The following MARCHF11 variants were observed in gnomAD, a reference collection of about 807,000 sequenced individuals.
MARCHF11 encodes membrane associated ring-CH-type finger 11.
Under a neutral mutation model 37.3 loss-of-function variants are expected in MARCHF11, and 29 were observed. That is an observed-to-expected ratio of 0.78 (90% CI 0.58 to 1.06). The LOEUF is 1.06. MARCHF11 is among the 50% of genes least tolerant of loss of function. The pLI is 0.00. For missense variants in MARCHF11, 482 were observed against 533.4 expected, an observed-to-expected ratio of 0.90 and a Z score of 0.95; for synonymous variants, 233 against 228.0, an observed-to-expected ratio of 1.02 and a Z score of -0.20.
chr5:16,134,780 C>G (rs185028329), intron 2 of MARCHF11, among the ~76,000 whole-genome samples: 1 of 151,798 alleles, frequency 6.6e-6, no homozygotes, highest in African/African-American at 2.4e-5. Context: ...AGTTATGCAG[C>G]CATTACAAAA....
At chr5:16,176,439 G>A (rs1490722426) in intron 2 of MARCHF11, among the ~76,000 whole-genome samples, 3 of 152,172 alleles carry the variant, frequency 2.0e-5, no homozygotes, top group Non-Finnish European at 2.9e-5. Flanking sequence ...TGATACCCAA[G>A]TAGTTCAATC....
chr5:16,132,266 G>A (rs1049949321), intron 2 of MARCHF11, among the ~76,000 whole-genome samples: 4 of 152,230 alleles, frequency 2.6e-5, no homozygotes, highest in African/African-American at 9.6e-5. Flanking sequence ...GAAGGGACAC[G>A]GTGTGATGAG....
At chr5:16,143,902 T>C (rs1213145779) in intron 2 of MARCHF11, among the ~76,000 whole-genome samples, 1 of 152,196 alleles carries the variant, frequency 6.6e-6, no homozygotes, top group Non-Finnish European at 1.5e-5. Context: ...AAGTGGATTA[T>C]GCTTAAGAGT....
chr5:16,111,299 G>T (rs1211352866), intron 2 of MARCHF11, among the ~76,000 whole-genome samples: 1 of 152,212 alleles, frequency 6.6e-6, no homozygotes, highest in African/African-American at 2.4e-5. Flanking sequence ...ACTTCCTAGA[G>T]ACTTGTTGAA....
At chr5:16,140,872 T>C (rs1737691332) in intron 2 of MARCHF11, 1 of 152,224 alleles carries the variant, frequency 6.6e-6, no homozygotes, top group African/African-American at 2.4e-5. Context: ...TCTTGATTTT[T>C]CAGAATTCTT....
chr5:16,162,475 A>C (rs1213870835), intron 2 of MARCHF11, among the ~76,000 whole-genome samples: 1 of 152,042 alleles, frequency 6.6e-6, no homozygotes, highest in Non-Finnish European at 1.5e-5. Context: ...TATTTTTTAA[A>C]ATCTGTCAAT....
chr5:16,068,977 T>C (rs1736393381), intron 3 of MARCHF11, among the ~76,000 whole-genome samples: 1 of 152,230 alleles, frequency 6.6e-6, no homozygotes, highest in East Asian at 1.9e-4. Context: ...GTTAGACCTT[T>C]GGGTATATGC....
intron 2 of MARCHF11, among the ~76,000 whole-genome samples, chr5:16,125,633 G>C (rs868615823): frequency 0.16 from 19,366 of 124,314 alleles, 1,421 homozygotes; most frequent in East Asian, 0.26. Context: ...GTGTGTGTGT[G>C]TGTGTGTGTG....
chr5:16,172,371 T>C (rs919306338), intron 2 of MARCHF11, among the ~76,000 whole-genome samples: 2 of 152,208 alleles, frequency 1.3e-5, no homozygotes, highest in African/African-American at 4.8e-5. Context: ...CTACAAAATA[T>C]GCCAGGATAG....
chr5:16,080,706 T>C (rs989647806), intron 3 of MARCHF11, among the ~76,000 whole-genome samples: 7 of 152,208 alleles, frequency 4.6e-5, no homozygotes, highest in African/African-American at 1.7e-4. Context: ...ATCCAGCTGA[T>C]CACCATATCT....
intron 3 of MARCHF11, 107 bp downstream of exon 3, chr5:16,090,782 G>A: frequency 1.2e-6 from 1 of 864,238 alleles, no homozygotes; most frequent in Non-Finnish European, 1.6e-6. Flanking sequence ...GGAGAACTGA[G>A]ATAAGTCAAT....
intron 2 of MARCHF11, among the ~76,000 whole-genome samples, chr5:16,102,921 C>A (rs1355019290): frequency 3.9e-5 from 6 of 152,132 alleles, no homozygotes; most frequent in Admixed American, 3.9e-4. Context: ...AGGGAGCCAC[C>A]CTTTCACAAG....
intron 2 of MARCHF11, among the ~76,000 whole-genome samples, chr5:16,157,619 A>C (rs1737998943): frequency 6.6e-6 from 1 of 151,926 alleles, no homozygotes; most frequent in African/African-American, 2.4e-5. Flanking sequence ...GGTTTTGGGG[A>C]AAGTGAATAT....
chr5:16,156,184 C>T (rs575193960), intron 2 of MARCHF11, among the ~76,000 whole-genome samples: 1 of 151,898 alleles, frequency 6.6e-6, no homozygotes, highest in Non-Finnish European at 1.5e-5. Context: ...AATTTAATCT[C>T]TGCGAGATCA....
At chr5:16,103,111 G>GAAAA (rs746011063) in intron 2 of MARCHF11, among the ~76,000 whole-genome samples, 2 of 135,664 alleles carry the variant, frequency 1.5e-5, no homozygotes. Context: ...TGCCCAGGCA[G>GAAAA]AAAAAAAAAA....
At chr5:16,155,333 A>T (rs146866391) in intron 2 of MARCHF11, among the ~76,000 whole-genome samples, 1,588 of 151,914 alleles carry the variant, frequency 0.01, 20 homozygotes, top group Non-Finnish European at 0.016. Context: ...GGCGATTACC[A>T]CCAGGAGGCA....
intron 2 of MARCHF11, among the ~76,000 whole-genome samples, chr5:16,122,757 G>A (rs1737332607): frequency 6.6e-6 from 1 of 152,116 alleles, no homozygotes; most frequent in South Asian, 2.1e-4. Context: ...GAGGAGTCGG[G>A]TGAGATGAAG....
intron 2 of MARCHF11, among the ~76,000 whole-genome samples, chr5:16,153,004 G>A (rs1480127038): frequency 6.6e-6 from 1 of 151,970 alleles, no homozygotes; most frequent in Non-Finnish European, 1.5e-5. Context: ...AATGTTCCAT[G>A]TATAGCAAGG....
chr5:16,129,960 A>G (rs1427823171), intron 2 of MARCHF11, among the ~76,000 whole-genome samples: 1 of 152,198 alleles, frequency 6.6e-6, no homozygotes, highest in Admixed American at 6.6e-5. Context: ...AATTTATGCT[A>G]TGAAATCTGA....
Sources: gnomAD v4.1 joint callset for allele counts (sites outside exome capture counted in the v4.1 genomes callset) on GRCh38, gnomAD v4.1.1 for gene constraint, MANE v1.5 for transcripts, NCBI Gene and HGNC (gene_info 2026-07-23, HGNC 2026-07-21) for gene names.